SDK2: variants seen among roughly 807,000 people sequenced by gnomAD.
The protein encoded by SDK2 is sidekick cell adhesion molecule 2.
In SDK2, 105 loss-of-function variants were observed where a neutral mutation model predicts 253.9. That is an observed-to-expected ratio of 0.41 (90% CI 0.35 to 0.49). SDK2 has a LOEUF of 0.49. Among genes scored for constraint, SDK2 ranks in the 20% least tolerant of loss-of-function variants. SDK2 has a pLI of 0.06. For missense variants in SDK2, 2,608 were observed against 3,003.0 expected (o/e 0.87, Z 3.07); for synonymous variants, 1,249 against 1,234.9 (o/e 1.01, Z -0.24).
chr17:73,401,856 G>A (rs1001582925), intron 19 of SDK2, 90 bp downstream of exon 19: 1 of 1,399,874 alleles, frequency 7.1e-7, no homozygotes, highest in Non-Finnish European at 9.8e-7. Flanking sequence ...CTCAGCCTGG[G>A]AGACAAGCCT....
chr17:73,488,256 T>C (rs1418896598), intron 2 of SDK2, among the ~76,000 whole-genome samples: 1 of 152,210 alleles, frequency 6.6e-6, no homozygotes, highest in Non-Finnish European at 1.5e-5. Flanking sequence ...AACCTTGTGA[T>C]TCGCCTGCCC....
At chr17:73,490,577 G>C (rs573082481) in intron 2 of SDK2, among the ~76,000 whole-genome samples, 287 of 145,508 alleles carry the variant, frequency 2.0e-3, no homozygotes, top group Middle Eastern at 0.011. Flanking sequence ...ACCCAGGCTG[G>C]AGTGCAGTGG....
At chr17:73,586,217 C>A (rs1194745996) in intron 1 of SDK2, among the ~76,000 whole-genome samples, 1 of 152,142 alleles carries the variant, frequency 6.6e-6, no homozygotes, top group Non-Finnish European at 1.5e-5. Flanking sequence ...CACCATGCCT[C>A]TCCTGCTGGC....
At chr17:73,539,816 C>CG (rs1555600246) in intron 1 of SDK2, among the ~76,000 whole-genome samples, 3 of 151,226 alleles carry the variant, frequency 2.0e-5, no homozygotes, top group Non-Finnish European at 3.0e-5. Context: ...CAGAGACACA[C>CG]GGGGGGAATG....
chr17:73,390,263 T>C, intron 29 of SDK2, 24 bp downstream of exon 29: 1 of 1,533,350 alleles, frequency 6.5e-7, no homozygotes, highest in Non-Finnish European at 8.7e-7. Context: ...CCCCAAGCCT[T>C]CCCTGGCCCC....
intron 29 of SDK2, among the ~76,000 whole-genome samples, chr17:73,388,633 T>C (rs1413715811): frequency 5.3e-5 from 8 of 152,170 alleles, no homozygotes; most frequent in Non-Finnish European, 1.2e-4. Context: ...ACAACCAAAA[T>C]GTCTCCAGAC....
At chr17:73,355,174 A>ATATATATATTTTTTTTT in intron 40 of SDK2, among the ~76,000 whole-genome samples, 1 of 47,240 alleles carries the variant, frequency 2.1e-5, no homozygotes, top group African/African-American at 1.6e-4. Flanking sequence ...ATATATATAT[A>ATATATATATTTTTTTTT]TTTTTTTTTT....
intron 1 of SDK2, among the ~76,000 whole-genome samples, chr17:73,601,173 C>T (rs1041886651): frequency 3.3e-5 from 5 of 152,050 alleles, no homozygotes; most frequent in Non-Finnish European, 7.4e-5. Flanking sequence ...GCATGCACCA[C>T]CACGCCCAGC....
rs1245553882 is a variant in SDK2 at position 73,334,577 on chromosome 17, A to AT, written c.*4009dup. On this transcript the variant is annotated 3_prime_UTR_variant, in exon 45 of 45. Transcript: ENST00000392650. Reference sequence around the variant, plus strand: ...TGCCATAATGAATACTCTCCCCATAATTTTTTGTTATATCTTTTAAATCAA... The same window carrying AT: ...TGCCATAATGAATACTCTCCCCATAATTTTTTTGTTATATCTTTTAAATCAA... 1.3e-5 allele frequency: 2 copies of AT among 152,186 alleles called. No individual in the cohort carries two copies. Among genetic ancestry groups the AT allele is most frequent in the African/African-American group, 4.8e-5 (2 of 41,436 alleles). The allele number at this position is 152,186 out of a possible 1,614,324, so 9.4% of individuals were successfully genotyped here. A position where few individuals can be genotyped will look rare whatever the true frequency, so the allele number is the denominator to read the frequency against.
intron 27 of SDK2, among the ~76,000 whole-genome samples, chr17:73,392,004 C>T (rs2062932343): frequency 6.6e-6 from 1 of 152,192 alleles, no homozygotes. Context: ...CCCGGAATTC[C>T]CTGCCCAGAG....
rs1035329365 is a variant in SDK2 at position 73,465,531 on chromosome 17, T to C, written c.331+6581A>G. 4.6e-5 allele frequency among the ~76,000 whole-genome samples: 7 copies of C among 151,804 alleles called. No homozygotes were observed. The highest frequency in any genetic ancestry group is 1.0e-4 in the Non-Finnish European group (7 of 67,970). ...AACCCTCTTAGCCATTCATCCCACA[T>C]GCTGAATGCTGGAAATTTATGGTGA... On this transcript the variant is annotated intron_variant, in intron 3 of 44. Coordinates refer to ENST00000392650, the MANE Select transcript of SDK2 (RefSeq NM_001144952.2). The surrounding 1 kb of genome is among the most constrained non-coding windows in gnomAD (Gnocchi z 4.2).
intron 2 of SDK2, among the ~76,000 whole-genome samples, chr17:73,495,612 C>T (rs1385857389): frequency 7.1e-6 from 1 of 141,334 alleles, no homozygotes; most frequent in East Asian, 2.0e-4. Flanking sequence ...ATATTGGAGG[C>T]CTGCCCCGTG....
Position 73,397,886 on chromosome 17 carries a change from G to A in SDK2, c.3354+149C>T, listed in dbSNP as rs559783816. Reference sequence around the variant, plus strand: ...TCGGCGGGCGGGGGGGCATTTGTTCGTTGGGCTAAGATGTTGATTATCAGG... The same window carrying A: ...TCGGCGGGCGGGGGGGCATTTGTTCATTGGGCTAAGATGTTGATTATCAGG... On this transcript the variant is annotated intron_variant, in intron 24 of 44. Transcript: ENST00000392650. 245 of 895,814 alleles carry A rather than the reference G, an allele frequency of 2.7e-4. No individual in the cohort carries two copies. In the African/African-American group the frequency reaches 3.4e-3, roughly 12 times the overall value. 55.5% of individuals were successfully genotyped at this position (895,814 alleles called of 1,614,324 possible).
At chr17:73,394,723 T>C (rs574433036) in intron 25 of SDK2, among the ~76,000 whole-genome samples, 6 of 152,186 alleles carry the variant, frequency 3.9e-5, no homozygotes, top group Non-Finnish European at 8.8e-5. Flanking sequence ...GCCTGAATGC[T>C]GGGCTCACAT....
At chr17:73,611,037 G>C (rs896848896) in intron 1 of SDK2, among the ~76,000 whole-genome samples, 4 of 152,222 alleles carry the variant, frequency 2.6e-5, no homozygotes, top group African/African-American at 4.8e-5. Flanking sequence ...TCTCTGCACA[G>C]TCTGAAATTG....
chr17:73,575,080 G>C (rs897501274), intron 1 of SDK2, among the ~76,000 whole-genome samples: 8 of 152,186 alleles, frequency 5.3e-5, no homozygotes, highest in African/African-American at 1.9e-4. Flanking sequence ...GGCTCTGCCT[G>C]GGTTTGGGAA....
At position 73,612,303 on chromosome 17, in the gene SDK2, G is replaced by A. The variant is rs1287341792; in HGVS notation, c.64+31722C>T. On this transcript the variant is annotated intron_variant, in intron 1 of 44. Transcript: ENST00000392650. The surrounding 1 kb of genome is among the most constrained non-coding windows in gnomAD (Gnocchi z 4.4). ...TGCACCTGGGCTGCAGGCTGGCCCC[G>A]CATGGTCCCCTACCCTCATCGGGTC... Among the ~76,000 whole-genome samples the A allele has an allele frequency of 3.4e-5, 5 of 149,024 alleles. No homozygotes were observed. The highest frequency in any genetic ancestry group is 2.0e-4 in the East Asian group (1 of 4,976).
At chr17:73,527,943 T>C (rs1032500508) in intron 1 of SDK2, among the ~76,000 whole-genome samples, 1 of 151,800 alleles carries the variant, frequency 6.6e-6, no homozygotes, top group African/African-American at 2.4e-5. Context: ...TGTGGAGCTG[T>C]TTTGGAGGTG....
At chr17:73,454,753 G>T (rs913224790) in intron 4 of SDK2, among the ~76,000 whole-genome samples, 1 of 152,176 alleles carries the variant, frequency 6.6e-6, no homozygotes, top group Non-Finnish European at 1.5e-5. Flanking sequence ...CTGGAGGCTG[G>T]AGTGCAGTGG....
Sources: allele counts gnomAD v4.1 joint callset (sites outside exome capture counted in the v4.1 genomes callset), GRCh38; gene constraint gnomAD v4.1.1; non-coding constraint Gnocchi (gnomAD v3.1); transcripts MANE v1.5; gene names NCBI Gene and HGNC (gene_info 2026-07-23, HGNC 2026-07-21).